DLGAP1: variants seen among roughly 807,000 people sequenced by gnomAD.
The protein encoded by DLGAP1 is DLG associated protein 1, also known as disks large-associated protein 1.
DLGAP1 carries 11 observed loss-of-function variants against 90.8 expected under a neutral mutation model. That is an observed-to-expected ratio of 0.12 (90% CI 0.08 to 0.20). The LOEUF is 0.20. Ranked by LOEUF, DLGAP1 falls within the 10% of genes least tolerant of loss-of-function variation. The pLI is 1.00. For missense variants in DLGAP1, 1,050 were observed against 1,333.8 expected (o/e 0.79, Z 3.31); for synonymous variants, 558 against 540.7 (o/e 1.03, Z -0.44).
chr18:3,991,079 A>G (rs2073957794), intron 3 of DLGAP1, among the ~76,000 whole-genome samples: 1 of 152,074 alleles, frequency 6.6e-6, no homozygotes, highest in South Asian at 2.1e-4. Flanking sequence ...TGTATAGATA[A>G]TTTTGTCACC....
At position 4,326,893 on chromosome 18, in the gene DLGAP1, A is replaced by T. The variant is rs976106526; in HGVS notation, c.-267+128113T>A. On this transcript the variant is annotated intron_variant, in intron 1 of 12. Transcript: ENST00000315677. Reference sequence around the variant, plus strand: ...AGGGAGAGAATCAGAAAAAACACCTATTGAGTACTATACCTATTACCCAGC... The same window carrying T: ...AGGGAGAGAATCAGAAAAAACACCTTTTGAGTACTATACCTATTACCCAGC... Among the ~76,000 whole-genome samples, 3 of 152,176 alleles carry T rather than the reference A, an allele frequency of 2.0e-5. No individual in the cohort carries two copies. In the South Asian group the frequency reaches 6.2e-4, roughly 32 times the overall value.
rs911299016 is a variant in DLGAP1, at chr18:4,342,412, A to G, written c.-267+112594T>C. On this transcript the variant is annotated intron_variant, in intron 1 of 12. Coordinates refer to ENST00000315677, the MANE Select transcript of DLGAP1 (RefSeq NM_004746.4). The surrounding 1 kb of genome is among the most constrained non-coding windows in gnomAD (Gnocchi z 5.8). ...TTACATTTTAAAAATTGGAAAGGAA[A>G]TATCTTGCACTACTAAGACTAAATG... Among the ~76,000 whole-genome samples the G allele has an allele frequency of 6.6e-6, 1 of 152,222 alleles. No individual in the cohort carries two copies. The highest frequency in any genetic ancestry group is 1.5e-5 in the Non-Finnish European group (1 of 68,038).
rs57826824 is a variant in DLGAP1, at chr18:3,639,877, T to C, written c.1592-57629A>G. Among the ~76,000 whole-genome samples, 31 of 138,072 alleles carry C rather than the reference T, an allele frequency of 2.2e-4. 1 individual carries two copies. Among genetic ancestry groups the C allele is most frequent in the Admixed American group, 1.1e-3 (15 of 14,166 alleles). 90.6% of individuals were successfully genotyped at this position (138,072 alleles called of 152,430 possible). ...TCACGCCATTCTCCTGCCTCAGCCT[T>C]CGGAGCAGCTGGGACTACAGGCGCC... On this transcript the variant is annotated intron_variant, in intron 7 of 12. Coordinates refer to ENST00000315677, the MANE Select transcript of DLGAP1 (RefSeq NM_004746.4).
chr18:4,288,317 T>C (rs116535359), intron 1 of DLGAP1, among the ~76,000 whole-genome samples: 4,613 of 152,252 alleles, frequency 0.03, 157 homozygotes, highest in African/African-American at 0.085. Flanking sequence ...AATGTTTTAA[T>C]GGAAAAATTC....
intron 5 of DLGAP1, among the ~76,000 whole-genome samples, chr18:3,801,987 GTTTGTTTGTTTT>G (rs1388087708): frequency 7.0e-4 from 68 of 97,612 alleles, no homozygotes; most frequent in East Asian, 1.2e-3. Context: ...TTGTTTGTTT[GTTTGTTTGTTTT>G]TTTGAGATGG....
At chr18:4,106,031 C>CAAAAAAAAAAAAA (rs60176243) in intron 2 of DLGAP1, among the ~76,000 whole-genome samples, 2 of 102,274 alleles carry the variant, frequency 2.0e-5, no homozygotes, top group Non-Finnish European at 4.0e-5. Context: ...GGGTCCGTCT[C>CAAAAAAAAAAAAA]AAAAAAAAAA....
chr18:3,601,845 G>GAAAAAAAAA (rs1371086899), intron 7 of DLGAP1, among the ~76,000 whole-genome samples: 6 of 10,848 alleles, frequency 5.5e-4, no homozygotes, highest in Non-Finnish European at 8.8e-4. Context: ...ACTCCATCTC[G>GAAAAAAAAA]GAAAAAAAAA....
intron 10 of DLGAP1, among the ~76,000 whole-genome samples, chr18:3,529,066 G>A (rs930778311): frequency 6.6e-6 from 1 of 152,160 alleles, no homozygotes; most frequent in Non-Finnish European, 1.5e-5. Flanking sequence ...CACCTTTCCA[G>A]CTTTTGGCAA....
intron 1 of DLGAP1, among the ~76,000 whole-genome samples, chr18:4,201,967 C>T (rs1381596389): frequency 6.6e-6 from 1 of 152,130 alleles, no homozygotes. Context: ...AGCAACTCCA[C>T]TACTGAGTAT....
At chr18:4,390,768 C>T (rs1168678224) in intron 1 of DLGAP1, among the ~76,000 whole-genome samples, 1 of 152,150 alleles carries the variant, frequency 6.6e-6, no homozygotes, top group Non-Finnish European at 1.5e-5. Context: ...TTGGTTGCCT[C>T]CCAGTTTTTG....
intron 3 of DLGAP1, among the ~76,000 whole-genome samples, chr18:3,938,556 A>T (rs2072693828): frequency 4.6e-5 from 7 of 152,186 alleles, no homozygotes; most frequent in Admixed American, 4.6e-4. Flanking sequence ...TCCTACTTCT[A>T]TGAGGGAGAC....
intron 7 of DLGAP1, among the ~76,000 whole-genome samples, chr18:3,590,760 C>A (rs2056189493): frequency 6.6e-6 from 1 of 151,958 alleles, no homozygotes; most frequent in Non-Finnish European, 1.5e-5. Flanking sequence ...GAGGCTGAAG[C>A]AGGAGAATTG....
chr18:4,192,911 A>G (rs2077428305), intron 1 of DLGAP1, among the ~76,000 whole-genome samples: 1 of 152,230 alleles, frequency 6.6e-6, no homozygotes, highest in Non-Finnish European at 1.5e-5. Flanking sequence ...TTACCTTCTC[A>G]TTGAAGAAAG....
At chr18:3,915,428 G>T (rs2072121251) in intron 3 of DLGAP1, among the ~76,000 whole-genome samples, 1 of 152,194 alleles carries the variant, frequency 6.6e-6, no homozygotes, top group Non-Finnish European at 1.5e-5. Context: ...TCACTGCAGT[G>T]CAGCTCATGG....
intron 3 of DLGAP1, among the ~76,000 whole-genome samples, chr18:3,949,162 C>T (rs904922370): frequency 6.6e-6 from 1 of 152,174 alleles, no homozygotes; most frequent in Non-Finnish European, 1.5e-5. Context: ...CTGTGTCATA[C>T]ATCTGTCTCT....
At chr18:3,897,551 T>C (rs1217069826) in intron 3 of DLGAP1, among the ~76,000 whole-genome samples, 1 of 152,186 alleles carries the variant, frequency 6.6e-6, no homozygotes, top group Non-Finnish European at 1.5e-5. Context: ...TAAACAAATA[T>C]ATTGTGTATA....
At chr18:4,277,917 C>T (rs1029901984) in intron 1 of DLGAP1, among the ~76,000 whole-genome samples, 3 of 152,170 alleles carry the variant, frequency 2.0e-5, no homozygotes, top group African/African-American at 7.2e-5. Flanking sequence ...CCTTTTCTCC[C>T]ACCTTGTTAT....
intron 7 of DLGAP1, among the ~76,000 whole-genome samples, chr18:3,674,215 C>T (rs1397398048): frequency 6.6e-6 from 1 of 151,020 alleles, no homozygotes; most frequent in African/African-American, 2.4e-5. Context: ...CTTTGGGAAG[C>T]AGAGGTGGGA....
chr18:4,017,957 C>G (rs1568354374), intron 2 of DLGAP1, among the ~76,000 whole-genome samples: 1 of 152,058 alleles, frequency 6.6e-6, no homozygotes, highest in Non-Finnish European at 1.5e-5. Context: ...AAGATACTAG[C>G]AGACAGCATT....
Sources: allele counts gnomAD v4.1 joint callset (sites outside exome capture counted in the v4.1 genomes callset), GRCh38; gene constraint gnomAD v4.1.1; non-coding constraint Gnocchi (gnomAD v3.1); transcripts MANE v1.5; gene names NCBI Gene and HGNC (gene_info 2026-07-23, HGNC 2026-07-21).